CEP112: variants seen among roughly 807,000 people sequenced by gnomAD.
CEP112 encodes the protein centrosomal protein 112.
CEP112 carries 127 observed loss-of-function variants against 153.0 expected under a neutral mutation model. The ratio of observed to expected loss-of-function variants is 0.83; its 90% CI spans 0.72 to 0.96. The LOEUF is 0.96. CEP112 is among the 40% of genes least tolerant of loss of function. The pLI is 0.00. For synonymous variants in CEP112, 358 were observed against 374.4 expected, an observed-to-expected ratio of 0.96 and a Z score of 0.51; for missense variants, 1,089 against 1,101.2, an observed-to-expected ratio of 0.99 and a Z score of 0.16.
intron 10 of CEP112, among the ~76,000 whole-genome samples, chr17:66,064,199 T>C (rs1012853276): frequency 6.6e-6 from 1 of 152,182 alleles, no homozygotes; most frequent in Non-Finnish European, 1.5e-5. Context: ...CAACTTTTTA[T>C]CCACAGGGCA....
chr17:65,916,285 G>GTGTGTGTGTGTGTGTGTGTGTA (rs1568222913), intron 19 of CEP112, among the ~76,000 whole-genome samples: 1 of 148,304 alleles, frequency 6.7e-6, no homozygotes, highest in East Asian at 2.0e-4. Context: ...GTGTGTGTGT[G>GTGTGTGTGTGTGTGTGTGTGTA]TGTGTGTATG....
At chr17:65,971,930 A>T (rs1396397379) in intron 17 of CEP112, among the ~76,000 whole-genome samples, 2 of 152,222 alleles carry the variant, frequency 1.3e-5, no homozygotes, top group African/African-American at 2.4e-5. Context: ...GTGAATAAAC[A>T]CATGCACAAT....
chr17:66,172,654 A>C (rs905577029), intron 4 of CEP112, among the ~76,000 whole-genome samples: 3 of 152,188 alleles, frequency 2.0e-5, no homozygotes, highest in African/African-American at 7.2e-5. Context: ...ATTCCAAAGA[A>C]GAAAAAAATC....
chr17:66,051,333 T>C (rs937354703), intron 12 of CEP112, among the ~76,000 whole-genome samples: 8 of 150,032 alleles, frequency 5.3e-5, no homozygotes. Context: ...GAACATAATA[T>C]TAACAATGAT....
At chr17:66,113,757 T>G (rs1346302216) in intron 6 of CEP112, among the ~76,000 whole-genome samples, 7 of 152,210 alleles carry the variant, frequency 4.6e-5, no homozygotes, top group Admixed American at 1.3e-4. Context: ...TGTTATTCAT[T>G]TACAATACAC....
At chr17:66,131,633 C>T (rs548825172) in intron 5 of CEP112, among the ~76,000 whole-genome samples, 3 of 151,914 alleles carry the variant, frequency 2.0e-5, no homozygotes, top group South Asian at 2.1e-4. Context: ...CCCAGCTACT[C>T]GGGAGGCTGA....
At chr17:65,888,123 C>T (rs1330299111) in intron 20 of CEP112, among the ~76,000 whole-genome samples, 1 of 152,166 alleles carries the variant, frequency 6.6e-6, no homozygotes, top group Non-Finnish European at 1.5e-5. Flanking sequence ...TACATCAGAA[C>T]TCCCATTTCT....
intron 19 of CEP112, among the ~76,000 whole-genome samples, chr17:65,907,886 A>G (rs958872159): frequency 6.6e-6 from 1 of 152,250 alleles, no homozygotes; most frequent in African/African-American, 2.4e-5. Flanking sequence ...TTGGACTAGT[A>G]GATACTTCGG....
chr17:66,134,075 A>G (rs1242489168), intron 4 of CEP112, among the ~76,000 whole-genome samples: 2 of 152,132 alleles, frequency 1.3e-5, no homozygotes, highest in Non-Finnish European at 2.9e-5. Context: ...CTCTATGAGG[A>G]GAGGTAACCT....
chr17:65,719,853 C>A (rs111367318), intron 23 of CEP112, among the ~76,000 whole-genome samples: 2 of 152,122 alleles, frequency 1.3e-5, no homozygotes. Context: ...GCCTTGCGAG[C>A]GCATCTGGGC....
At chr17:66,121,340 CTT>C (rs1163123733) in intron 6 of CEP112, among the ~76,000 whole-genome samples, 1 of 151,790 alleles carries the variant, frequency 6.6e-6, no homozygotes, top group African/African-American at 2.4e-5. Context: ...AAGTGTGACT[CTT>C]TGTATTTAAA....
At chr17:65,657,023 G>A (rs2143741768) in intron 24 of CEP112, among the ~76,000 whole-genome samples, 1 of 152,300 alleles carries the variant, frequency 6.6e-6, no homozygotes, top group Non-Finnish European at 1.5e-5. Context: ...TGGCTTCAAA[G>A]CTGAGAAAGT....
chr17:66,043,168 C>T (rs1254141243), intron 12 of CEP112: 2 of 600,166 alleles, frequency 3.3e-6, no homozygotes, highest in Non-Finnish European at 4.2e-6. Flanking sequence ...TTAAAGTTCA[C>T]TTTCATTTTC....
At chr17:65,902,887 C>T (rs995430669) in intron 19 of CEP112, among the ~76,000 whole-genome samples, 2 of 152,142 alleles carry the variant, frequency 1.3e-5, no homozygotes, top group African/African-American at 2.4e-5. Context: ...TCCAGAAGGG[C>T]ACCTGCTGTG....
chr17:65,803,033 C>T (rs2055373205), intron 21 of CEP112, among the ~76,000 whole-genome samples: 1 of 152,208 alleles, frequency 6.6e-6, no homozygotes, highest in Non-Finnish European at 1.5e-5. Flanking sequence ...GGCTTTCTGT[C>T]CCAGGACATG....
At chr17:65,920,718 A>G (rs113794877) in intron 19 of CEP112, among the ~76,000 whole-genome samples, 3 of 151,940 alleles carry the variant, frequency 2.0e-5, no homozygotes, top group African/African-American at 7.3e-5. Flanking sequence ...CCTGCTTAAA[A>G]TGTGGTGACC....
At chr17:65,790,723 C>T (rs1372647352) in intron 21 of CEP112, among the ~76,000 whole-genome samples, 1 of 152,166 alleles carries the variant, frequency 6.6e-6, no homozygotes, top group Non-Finnish European at 1.5e-5. Flanking sequence ...ATAGTGGCTC[C>T]CACCCAGGGG....
chr17:66,145,553 T>C (rs534535013), intron 4 of CEP112, among the ~76,000 whole-genome samples: 1 of 152,284 alleles, frequency 6.6e-6, no homozygotes, highest in African/African-American at 2.4e-5. Flanking sequence ...CCAGTGGATA[T>C]TCAGTTCTTA....
chr17:66,128,864 A>G (rs113953734), intron 6 of CEP112, among the ~76,000 whole-genome samples: 1,631 of 152,314 alleles, frequency 0.011, 29 homozygotes, highest in African/African-American at 0.037. Context: ...AGCATTTATA[A>G]TAAATTTTGT....
Sources: allele counts gnomAD v4.1 joint callset (sites outside exome capture counted in the v4.1 genomes callset), GRCh38; gene constraint gnomAD v4.1.1; transcripts MANE v1.5; gene names NCBI Gene and HGNC (gene_info 2026-07-23, HGNC 2026-07-21).